CLPB: variants seen among roughly 807,000 people sequenced by gnomAD.
CLPB encodes the protein ClpB family mitochondrial disaggregase, also known as mitochondrial disaggregase.
In CLPB, 40 loss-of-function variants were observed where a neutral mutation model predicts 78.4. The ratio of observed to expected loss-of-function variants is 0.51; its 90% CI spans 0.40 to 0.66. The LOEUF (loss-of-function observed/expected upper bound fraction) is 0.66, where lower values mean the gene tolerates loss of function less well. CLPB is among the 30% of genes least tolerant of loss of function. CLPB has a pLI of 0.00. For synonymous variants in CLPB, 333 were observed against 348.0 expected, an observed-to-expected ratio of 0.96 and a Z score of 0.48; for missense variants, 780 against 886.9, an observed-to-expected ratio of 0.88 and a Z score of 1.53.
At chr11:72,384,950 G>A (rs995588316) in intron 3 of CLPB, among the ~76,000 whole-genome samples, 10 of 152,012 alleles carry the variant, frequency 6.6e-5, no homozygotes, top group Non-Finnish European at 1.2e-4. Context: ...GAAACAGTAG[G>A]GACTTCAATA....
intron 4 of CLPB, among the ~76,000 whole-genome samples, chr11:72,368,280 C>T (rs1379990965): frequency 6.6e-6 from 1 of 152,158 alleles, no homozygotes; most frequent in African/African-American, 2.4e-5. Context: ...ATTTATTGAA[C>T]ACTCACTATG....
intron 4 of CLPB, among the ~76,000 whole-genome samples, chr11:72,371,532 C>CT: frequency 8.5e-6 from 1 of 117,588 alleles, no homozygotes; most frequent in Admixed American, 1.0e-4. Flanking sequence ...GACTCTGTCT[C>CT]AAAAATAAAA....
intron 6 of CLPB, among the ~76,000 whole-genome samples, chr11:72,325,532 T>A (rs1222487512): frequency 6.6e-6 from 1 of 152,028 alleles, no homozygotes; most frequent in Non-Finnish European, 1.5e-5. Flanking sequence ...AAGCCAACAG[T>A]GAGGGACACA....
At chr11:72,412,767 T>C (rs542926360) in intron 2 of CLPB, among the ~76,000 whole-genome samples, 1 of 152,330 alleles carries the variant, frequency 6.6e-6, no homozygotes, top group South Asian at 2.1e-4. Context: ...TTACACTTGT[T>C]CTGTTTGTTG....
At chr11:72,344,552 T>C (rs979643840) in intron 5 of CLPB, among the ~76,000 whole-genome samples, 1 of 152,180 alleles carries the variant, frequency 6.6e-6, no homozygotes, top group Non-Finnish European at 1.5e-5. Flanking sequence ...GCAATATCCA[T>C]GACTTTCTCT....
chr11:72,381,977 C>T (rs557727368), intron 3 of CLPB, among the ~76,000 whole-genome samples: 9 of 152,176 alleles, frequency 5.9e-5, no homozygotes, highest in Non-Finnish European at 8.8e-5. Flanking sequence ...GACCCAGGTC[C>T]CAGGCTGGCC....
At chr11:72,409,488 G>A (rs561574172) in intron 2 of CLPB, among the ~76,000 whole-genome samples, 5 of 152,128 alleles carry the variant, frequency 3.3e-5, no homozygotes, top group African/African-American at 7.2e-5. Context: ...GGTGGCTGAC[G>A]TATGACAATC....
chr11:72,405,146 A>G (rs1855672544), intron 2 of CLPB, among the ~76,000 whole-genome samples: 1 of 152,176 alleles, frequency 6.6e-6, no homozygotes, highest in South Asian at 2.1e-4. Flanking sequence ...TGTGTCTTGA[A>G]GAAGGGGAAG....
chr11:72,408,643 G>C (rs1855782121), intron 2 of CLPB, among the ~76,000 whole-genome samples: 1 of 149,448 alleles, frequency 6.7e-6, no homozygotes, highest in Admixed American at 6.6e-5. Context: ...CTCCAGCCCG[G>C]GTGACAGGGC....
At chr11:72,412,242 G>A (rs967067668) in intron 2 of CLPB, among the ~76,000 whole-genome samples, 2 of 152,210 alleles carry the variant, frequency 1.3e-5, no homozygotes, top group African/African-American at 4.8e-5. Flanking sequence ...CCAAGGCCTA[G>A]CTGGGGACCC....
At chr11:72,430,284 G>A (rs1410119555) in intron 2 of CLPB, 28 bp downstream of exon 2, 1 of 1,608,936 alleles carries the variant, frequency 6.2e-7, no homozygotes, top group African/African-American at 1.3e-5. Flanking sequence ...CTCCTGTAGG[G>A]GAGAGCAAGG....
intron 11 of CLPB, 117 bp from the exon 12 acceptor site, chr11:72,295,765 G>T: frequency 1.0e-6 from 1 of 969,132 alleles, no homozygotes; most frequent in Non-Finnish European, 1.5e-6. Context: ...TCTCCCTCCA[G>T]CCCCAGCAGC....
chr11:72,317,964 A>G (rs1004879517), intron 6 of CLPB, among the ~76,000 whole-genome samples: 1 of 152,262 alleles, frequency 6.6e-6, no homozygotes, highest in African/African-American at 2.4e-5. Context: ...CAGGCAGCTC[A>G]AAGTCAGGAG....
chr11:72,427,316 G>T (rs1856414646), intron 2 of CLPB, among the ~76,000 whole-genome samples: 1 of 152,206 alleles, frequency 6.6e-6, no homozygotes, highest in Admixed American at 6.5e-5. Context: ...GAGAGGTCAA[G>T]TGGGGAAGAA....
rs796992589 is a variant in CLPB at position 72,327,750 on chromosome 11, GC to G, written c.873+1956del. Reference sequence around the variant, plus strand: ...AGTCCCTAAGATTATGCACAACAGTGCTGAGGGATTTCCTTAAGGCACTTAA... The same window carrying G: ...AGTCCCTAAGATTATGCACAACAGTGTGAGGGATTTCCTTAAGGCACTTAA... On this transcript the variant is annotated intron_variant, in intron 6 of 15. Coordinates refer to ENST00000538039, the MANE Select transcript of CLPB (RefSeq NM_001258392.3). Among the ~76,000 whole-genome samples, 14 of 152,244 alleles carry G rather than the reference GC, an allele frequency of 9.2e-5. No homozygotes were observed. In the East Asian group the frequency reaches 1.3e-3, roughly 15 times the overall value.
At chr11:72,352,517 C>T (rs1238037241) in intron 5 of CLPB, 4 of 152,312 alleles carry the variant, frequency 2.6e-5, no homozygotes, top group African/African-American at 9.6e-5. Flanking sequence ...CCTCCGCCTT[C>T]CTACCTCATC....
At chr11:72,359,070 C>A in intron 4 of CLPB, 62 bp from the exon 5 acceptor site, 1 of 1,608,366 alleles carries the variant, frequency 6.2e-7, no homozygotes, top group East Asian at 2.2e-5. Flanking sequence ...CCAATCTCAC[C>A]TGTTTTCTAG....
At chr11:72,411,534 T>A (rs1019388531) in intron 2 of CLPB, among the ~76,000 whole-genome samples, 2 of 152,208 alleles carry the variant, frequency 1.3e-5, no homozygotes, top group Non-Finnish European at 2.9e-5. Flanking sequence ...ATTCTAAATA[T>A]GTGTAGCATC....
chr11:72,380,696 G>A (rs1679179905), intron 3 of CLPB, among the ~76,000 whole-genome samples: 2 of 152,188 alleles, frequency 1.3e-5, no homozygotes, highest in Admixed American at 6.5e-5. Context: ...AGCAGCCTCT[G>A]AAACTTATCA....
Sources: allele counts gnomAD v4.1 joint callset (sites outside exome capture counted in the v4.1 genomes callset), GRCh38; gene constraint gnomAD v4.1.1; transcripts MANE v1.5; gene names NCBI Gene and HGNC (gene_info 2026-07-23, HGNC 2026-07-21).